Variants in KCNMA1 observed in about 807,000 individuals in gnomAD.
KCNMA1 encodes the protein Calcium-activated potassium channel subunit alpha-1.
A neutral mutation model predicts 140.0 loss-of-function variants in KCNMA1; 29 were observed. The ratio of observed to expected loss-of-function variants is 0.21; its 90% CI spans 0.15 to 0.28. The LOEUF (loss-of-function observed/expected upper bound fraction) is 0.28, where lower values mean the gene tolerates loss of function less well. Ranked by LOEUF, KCNMA1 falls within the 10% of genes least tolerant of loss-of-function variation. KCNMA1 has a pLI of 1.00. For synonymous variants in KCNMA1, 612 were observed against 611.9 expected (o/e 1.00, Z 0.00); for missense variants, 880 against 1,602.2 (o/e 0.55, Z 7.70).
At chr10:76,925,110 C>T (rs1244060963) in intron 23 of KCNMA1, among the ~76,000 whole-genome samples, 2 of 152,004 alleles carry the variant, frequency 1.3e-5, no homozygotes, top group Admixed American at 1.3e-4. Flanking sequence ...TTTTCCATCC[C>T]CTTTATTCGT....
chr10:77,089,810 G>T (rs893043826), intron 10 of KCNMA1, among the ~76,000 whole-genome samples: 12 of 152,328 alleles, frequency 7.9e-5, no homozygotes, highest in African/African-American at 2.4e-4. Context: ...TCAGCCAGTA[G>T]TTGGTTGAGT....
In KCNMA1 at chr10:77,082,312, C is replaced by A. The variant is rs190167801; in HGVS notation, c.1523+2325G>T. ...AAAGTTCTGGGATTACAGGTGTAAG[C>A]CACTGAGCCCCGCCCTTGACCAGTA... is the stretch of plus-strand genomic sequence containing the variant. On this transcript the variant is annotated intron_variant, in intron 12 of 27. Transcript: ENST00000286628. Among the ~76,000 whole-genome samples the A allele has an allele frequency of 7.9e-5, 12 of 152,186 alleles. No individual in the cohort carries two copies. The East Asian group carries it at 2.3e-3, about 29-fold the overall frequency.
chr10:77,238,016 C>T (rs1056788021), intron 3 of KCNMA1, among the ~76,000 whole-genome samples: 2 of 152,188 alleles, frequency 1.3e-5, no homozygotes, highest in Non-Finnish European at 2.9e-5. Flanking sequence ...CCCACTGCCT[C>T]GCCTTCCCTG....
intron 2 of KCNMA1, among the ~76,000 whole-genome samples, chr10:77,355,523 T>G (rs937422650): frequency 3.9e-5 from 6 of 152,168 alleles, no homozygotes; most frequent in Non-Finnish European, 8.8e-5. Context: ...TTGGGCATGA[T>G]GAAGGAAGCA....
At chr10:77,139,822 A>C (rs1331737676) in intron 5 of KCNMA1, among the ~76,000 whole-genome samples, 1 of 152,096 alleles carries the variant, frequency 6.6e-6, no homozygotes, top group Non-Finnish European at 1.5e-5. Flanking sequence ...AAAAAGTACC[A>C]CCCAAGACAG....
At chr10:77,191,635 C>A (rs1290663451) in intron 3 of KCNMA1, among the ~76,000 whole-genome samples, 1 of 152,142 alleles carries the variant, frequency 6.6e-6, no homozygotes, top group African/African-American at 2.4e-5. Flanking sequence ...GAATAGTTAT[C>A]TTCTAAGATG....
chr10:77,596,501 A>T (rs936814999), intron 1 of KCNMA1, among the ~76,000 whole-genome samples: 3 of 152,226 alleles, frequency 2.0e-5, no homozygotes, highest in African/African-American at 2.4e-5. Context: ...AGTTTACACG[A>T]TCCTGCTCCA....
chr10:77,493,687 C>A (rs1328791448), intron 1 of KCNMA1: 1 of 152,254 alleles, frequency 6.6e-6, no homozygotes, highest in South Asian at 2.1e-4. Context: ...GCACGGGGAG[C>A]CGTGCAGCTG....
At position 76,886,195 on chromosome 10, in the gene KCNMA1, C is replaced by T; in HGVS notation, c.*1071G>A. On this transcript the variant is annotated 3_prime_UTR_variant, in exon 28 of 28. Transcript: ENST00000286628. ...TTGTCTTCCTCTCACTCTACCATTG[C>T]CCCAGCCCTTCCTCCTACCTGGCAT... 1 of 985,396 alleles carries T rather than the reference C, an allele frequency of 1.0e-6. No individual in the cohort carries two copies. The highest frequency in any genetic ancestry group is 1.7e-5 in the African/African-American group (1 of 57,348). The allele number at this position is 985,396 out of a possible 1,614,324, so 61.0% of individuals were successfully genotyped here.
chr10:77,570,949 T>C (rs2154560900), intron 1 of KCNMA1, among the ~76,000 whole-genome samples: 1 of 150,754 alleles, frequency 6.6e-6, no homozygotes, highest in African/African-American at 2.4e-5. Context: ...AAAAATACTT[T>C]CTTTGATATA....
At chr10:77,423,101 G>T (rs1479417957) in intron 1 of KCNMA1, among the ~76,000 whole-genome samples, 1 of 152,160 alleles carries the variant, frequency 6.6e-6, no homozygotes, top group Non-Finnish European at 1.5e-5. Flanking sequence ...CTAGACAGTG[G>T]GTGTCTGCGC....
rs115447796 is a variant in KCNMA1 at position 76,984,469 on chromosome 10, C to T, written c.2267-14402G>A. ...CCTCCCAAAGTTCTGGGGTTACAGACGTGAGCCACTGCACCCAGCCTGGAT... is the reference window on the plus strand; with the variant it reads ...CCTCCCAAAGTTCTGGGGTTACAGATGTGAGCCACTGCACCCAGCCTGGAT... On this transcript the variant is annotated intron_variant, in intron 19 of 27. Transcript: ENST00000286628. Among the ~76,000 whole-genome samples the T allele has an allele frequency of 2.3e-3, 350 of 152,200 alleles. 1 individual carries two copies. Among genetic ancestry groups the T allele is most frequent in the African/African-American group, 7.8e-3 (322 of 41,540 alleles).
chr10:77,197,350 C>T (rs547254411), intron 3 of KCNMA1, among the ~76,000 whole-genome samples: 2 of 152,280 alleles, frequency 1.3e-5, no homozygotes, highest in Non-Finnish European at 2.9e-5. Context: ...TTGGTGCACA[C>T]CCAGGTGGAG....
At chr10:77,241,363 G>C (rs1245473569) in intron 3 of KCNMA1, among the ~76,000 whole-genome samples, 1 of 152,140 alleles carries the variant, frequency 6.6e-6, no homozygotes, top group African/African-American at 2.4e-5. Flanking sequence ...ACGAATCCAG[G>C]CTGGGCACAG....
chr10:77,483,475 C>T (rs1366416962), intron 1 of KCNMA1, among the ~76,000 whole-genome samples: 1 of 152,192 alleles, frequency 6.6e-6, no homozygotes, highest in Non-Finnish European at 1.5e-5. Context: ...GCGCCACTCC[C>T]CCCAGAGATG....
intron 2 of KCNMA1, among the ~76,000 whole-genome samples, chr10:77,266,469 C>T (rs6480855): frequency 0.34 from 52,430 of 152,060 alleles, 12,906 homozygotes; most frequent in African/African-American, 0.7. Context: ...AGAATGCTGG[C>T]CAGCTTGGCG....
At chr10:76,991,028 G>A (rs996075749) in intron 19 of KCNMA1, among the ~76,000 whole-genome samples, 16 of 152,076 alleles carry the variant, frequency 1.1e-4, no homozygotes, top group Admixed American at 7.2e-4. Flanking sequence ...TGCCTACCTC[G>A]AGTCAGAGTC....
chr10:77,475,683 C>A (rs1204629629), intron 1 of KCNMA1, among the ~76,000 whole-genome samples: 4 of 152,210 alleles, frequency 2.6e-5, no homozygotes, highest in Admixed American at 2.6e-4. Context: ...TATCACATGG[C>A]CTGCAAACAA....
chr10:77,545,106 C>G (rs1440686005), intron 1 of KCNMA1, among the ~76,000 whole-genome samples: 2 of 152,158 alleles, frequency 1.3e-5, no homozygotes, highest in Non-Finnish European at 2.9e-5. Flanking sequence ...ATGTACTTAA[C>G]TATATGCTAT....
Sources: gnomAD v4.1 joint callset for allele counts (sites outside exome capture counted in the v4.1 genomes callset) on GRCh38, gnomAD v4.1.1 for gene constraint, MANE v1.5 for transcripts, NCBI Gene and HGNC (gene_info 2026-07-23, HGNC 2026-07-21) for gene names.